The following CEP76 variants were observed in gnomAD, a reference collection of about 807,000 sequenced individuals.
CEP76 encodes centrosomal protein 76, also known as centrosomal protein of 76 kDa.
A neutral mutation model predicts 83.3 loss-of-function variants in CEP76; 55 were observed. The ratio of observed to expected loss-of-function variants is 0.66; its 90% CI spans 0.53 to 0.83. The LOEUF is 0.83. Ranked by LOEUF, CEP76 falls within the 40% of genes least tolerant of loss-of-function variation. The pLI, the probability that CEP76 is intolerant of heterozygous loss-of-function variation, is 0.00. For synonymous variants in CEP76, 270 were observed against 274.5 expected, an observed-to-expected ratio of 0.98 and a Z score of 0.16; for missense variants, 694 against 799.5, an observed-to-expected ratio of 0.87 and a Z score of 1.59.
intron 10 of CEP76, among the ~76,000 whole-genome samples, chr18:12,676,155 A>G (rs2039121976): frequency 6.6e-6 from 1 of 152,090 alleles, no homozygotes; most frequent in African/African-American, 2.4e-5. Flanking sequence ...AAGATCCACG[A>G]TTAACAATGC....
intron 8 of CEP76, among the ~76,000 whole-genome samples, chr18:12,682,147 C>T (rs1005957035): frequency 2.6e-5 from 4 of 151,900 alleles, no homozygotes; most frequent in Non-Finnish European, 4.4e-5. Flanking sequence ...GTTGAGTGTC[C>T]GAATGAAGAA....
rs2040086708 is a variant in CEP76, at chr18:12,699,748, T to C, written c.295+82A>G. 4.2e-5 allele frequency: 32 copies of C among 756,674 alleles called. No individual in the cohort carries two copies. In the South Asian group the frequency reaches 8.0e-4, roughly 19 times the overall value. 46.9% of individuals were successfully genotyped at this position (756,674 alleles called of 1,614,324 possible). A position where few individuals can be genotyped will look rare whatever the true frequency, so the allele number is the denominator to read the frequency against. ...TTATTTTGGGGGGAAAAAATGGAAA[T>C]GTCTTCTATCAAATACGAAAGACTA... On this transcript the variant is annotated intron_variant, in intron 3 of 11. Transcript: ENST00000262127.
downstream of CEP76, among the ~76,000 whole-genome samples, chr18:12,670,228 GCT>G (rs1175891438): frequency 6.6e-6 from 1 of 151,850 alleles, no homozygotes; most frequent in Non-Finnish European, 1.5e-5. Context: ...TACTTGGGAG[GCT>G]GAGGCAGGAG....
chr18:12,702,615 G>A lies in CEP76; in HGVS notation c.-67C>T. The stretch of plus-strand genomic sequence containing the variant: ...ATGCCCTAACTGCGCGGCCCCGGCC[G>A]GGCCAGGGAGCGTTAGGAGCGACTG... On this transcript the variant is annotated 5_prime_UTR_variant, in exon 1 of 12. Coordinates refer to ENST00000262127, the MANE Select transcript of CEP76 (RefSeq NM_024899.4). 7 of 1,530,522 alleles carry A rather than the reference G, an allele frequency of 4.6e-6. No individual in the cohort carries two copies. The highest frequency in any genetic ancestry group is 6.1e-6 in the Non-Finnish European group (7 of 1,140,750). The allele number at this position is 1,530,522 out of a possible 1,614,324, so 94.8% of individuals were successfully genotyped here.
chr18:12,689,535 A>G (rs373886011), intron 7 of CEP76, among the ~76,000 whole-genome samples: 36 of 152,292 alleles, frequency 2.4e-4, no homozygotes, highest in African/African-American at 8.2e-4. Context: ...ATTACGTTCT[A>G]TGGTTCAAAT....
rs372117728 is a variant in CEP76, at chr18:12,673,485, T to C, written c.1860A>G (p.Glu620=). The C allele has an allele frequency of 2.9e-5, 46 of 1,583,810 alleles. No homozygotes were observed. Among genetic ancestry groups the C allele is most frequent in the Non-Finnish European group, 3.8e-5 (45 of 1,171,332 alleles). The change falls in exon 12 of 12, where the codon GAA becomes GAG. Residue 620 remains glutamate, a synonymous_variant. Transcript: ENST00000262127. ...ATCLRSPFCE[E]IICCRGDQVR... is the part of the protein sequence containing the mutation. Reference sequence around the variant, plus strand: ...CTTGGTCTCCACGGCAACAGATTATTTCTTCACAGAAAGGAGATCTATTTA... The same window carrying C: ...CTTGGTCTCCACGGCAACAGATTATCTCTTCACAGAAAGGAGATCTATTTA...
chr18:12,689,665 C>G (rs1226493197), intron 7 of CEP76, among the ~76,000 whole-genome samples: 1 of 152,186 alleles, frequency 6.6e-6, no homozygotes, highest in African/African-American at 2.4e-5. Context: ...TGCCATTTCT[C>G]TGATTCACTG....
intron 4 of CEP76, 176 bp downstream of exon 4, chr18:12,698,803 A>C (rs1281129798): frequency 1.7e-6 from 1 of 591,496 alleles, no homozygotes; most frequent in Non-Finnish European, 3.0e-6. Flanking sequence ...AATGAATAGC[A>C]AACAGAATAT....
Position 12,699,179 on chromosome 18 carries a change from T to C in CEP76, c.320A>G (p.Tyr107Cys). The change falls in exon 4 of 12, where the codon TAT becomes TGT. Residue 107 changes from tyrosine (Y) to cysteine (C), a missense_variant. Tyr to Cys is a radical substitution (Grantham distance 194). Transcript: ENST00000262127. ...KKTNIDPTRR[Y>C]LYLQVLGGKA... ...TCCACCCAAAACCTGAAGGTAAAGATACCTCCGTGTTGGATCAATATTAGC... is the reference window on the plus strand; with the variant it reads ...TCCACCCAAAACCTGAAGGTAAAGACACCTCCGTGTTGGATCAATATTAGC... 6.2e-7 allele frequency: 1 copy of C among 1,613,562 alleles called. No homozygotes were observed. The highest frequency in any genetic ancestry group is 8.5e-7 in the Non-Finnish European group (1 of 1,179,498).
Position 12,701,085 on chromosome 18 carries a change from AT to A in CEP76, c.91del (p.Ile31SerfsTer22), listed in dbSNP as rs1383003723. 6.2e-7 allele frequency: 1 copy of A among 1,613,010 alleles called. No homozygotes were observed. Among genetic ancestry groups the A allele is most frequent in the Non-Finnish European group, 8.5e-7 (1 of 1,179,458 alleles). ...TTCTTCCCGTATAGTCTCAGCAAGG[AT>A]TTCTCTTATTCTACCATGGACATCC... is the stretch of plus-strand genomic sequence containing the variant. ...KMDVHGRIRE[I>X]LAETIREELA... On this transcript the variant is annotated frameshift_variant, in exon 2 of 12. Transcript: ENST00000262127. LOFTEE classifies it high-confidence loss of function.
chr18:12,663,177 T>TTTA (rs1302112124), intron 12 of CEP76, among the ~76,000 whole-genome samples: 1 of 152,232 alleles, frequency 6.6e-6, no homozygotes. Context: ...CCAAATACTC[T>TTTA]TTTATAGTCA....
intron 4 of CEP76, among the ~76,000 whole-genome samples, 163 bp from the exon 5 acceptor site, chr18:12,697,571 A>C (rs193083149): frequency 6.6e-6 from 1 of 152,266 alleles, no homozygotes; most frequent in Non-Finnish European, 1.5e-5. Flanking sequence ...ATACAAGTAC[A>C]GTCCTATTTC....
intron 7 of CEP76, among the ~76,000 whole-genome samples, chr18:12,687,634 T>C (rs753944632): frequency 6.6e-6 from 1 of 151,776 alleles, no homozygotes; most frequent in Non-Finnish European, 1.5e-5. Context: ...TGTATTTTTG[T>C]AGAGATGGGG....
At chr18:12,679,320 C>T (rs921798838) in intron 9 of CEP76, 10 of 152,282 alleles carry the variant, frequency 6.6e-5, no homozygotes, top group Non-Finnish European at 1.0e-4. Context: ...CACAGAAGTT[C>T]GAGCAATTTG....
intron 6 of CEP76, among the ~76,000 whole-genome samples, chr18:12,692,651 TCTA>T (rs747884670): frequency 6.6e-6 from 1 of 152,166 alleles, no homozygotes; most frequent in African/African-American, 2.4e-5. Flanking sequence ...TAAAACACCT[TCTA>T]CTATCTGATT....
chr18:12,674,498 C>G, intron 11 of CEP76, 38 bp downstream of exon 11: 1 of 1,525,150 alleles, frequency 6.6e-7, no homozygotes, highest in African/African-American at 1.4e-5. Context: ...CTGTAAGACT[C>G]CTAAACTGAA....
intron 3 of CEP76, 108 bp from the exon 4 acceptor site, chr18:12,699,311 C>CT (rs1338117273): frequency 2.7e-6 from 2 of 739,622 alleles, no homozygotes; most frequent in Admixed American, 2.9e-5. Flanking sequence ...ATACCAAAGA[C>CT]TAAAAAAAAA....
chr18:12,699,867 T>G lies in CEP76; in HGVS notation c.258A>C (p.Gln86His). 6.3e-7 allele frequency: 1 copy of G among 1,597,800 alleles called. No individual in the cohort carries two copies. The highest frequency in any genetic ancestry group is 8.5e-7 in the Non-Finnish European group (1 of 1,172,150). Residue 86 changes from glutamine (Q) to histidine (H), a missense_variant, in exon 3 of 12, where the codon CAA becomes CAC. Physicochemically the swap from Gln to His is conservative, Grantham distance 24. Coordinates refer to ENST00000262127, the MANE Select transcript of CEP76 (RefSeq NM_024899.4). ...VEQELPSSPK[Q>H]PICFDRQSTL... ...TCGATTGTCTATCAAAACAAATAGG[T>G]TGTTTTGGAGAGGAAGGGAGTTCTT...
At position 12,685,667 on chromosome 18, in the gene CEP76, C is replaced by G. The variant is rs528308652; in HGVS notation, c.1122+595G>C. On this transcript the variant is annotated intron_variant, in intron 8 of 11. Coordinates refer to ENST00000262127, the MANE Select transcript of CEP76 (RefSeq NM_024899.4). The stretch of plus-strand genomic sequence containing the variant: ...TTTTTTTTTTGAGACGTGTCTTGCT[C>G]TGTCCTCAGGCTAGAGTGCAATGGT... 6.0e-5 allele frequency: 9 copies of G among 150,018 alleles called. No homozygotes were observed. The South Asian group carries it at 1.9e-3, about 31-fold the overall frequency. 9.3% of individuals were successfully genotyped at this position (150,018 alleles called of 1,614,324 possible).
Sources: allele counts gnomAD v4.1 joint callset (sites outside exome capture counted in the v4.1 genomes callset), GRCh38; gene constraint gnomAD v4.1.1; transcripts MANE v1.5; gene names NCBI Gene and HGNC (gene_info 2026-07-23, HGNC 2026-07-21).